Variants in GDPD1 observed in about 807,000 individuals in gnomAD.
GDPD1 encodes glycerophosphodiester phosphodiesterase domain containing 1, also known as lysophospholipase D GDPD1.
A neutral mutation model predicts 45.1 loss-of-function variants in GDPD1; 28 were observed. The observed-to-expected ratio is 0.62, with a 90% confidence interval of 0.46 to 0.85. The LOEUF (loss-of-function observed/expected upper bound fraction) is 0.85, where lower values mean the gene tolerates loss of function less well. GDPD1 is among the 40% of genes least tolerant of loss of function. GDPD1 has a pLI of 0.00. For missense variants in GDPD1, 256 were observed against 364.8 expected, an observed-to-expected ratio of 0.70 and a Z score of 2.43; for synonymous variants, 139 against 131.4, an observed-to-expected ratio of 1.06 and a Z score of -0.40.
chr17:59,228,216 A>G (rs997726056), intron 1 of GDPD1, among the ~76,000 whole-genome samples: 1 of 151,384 alleles, frequency 6.6e-6, no homozygotes, highest in Admixed American at 6.6e-5. Flanking sequence ...AGCAGTTTAA[A>G]TATTAACTCA....
intron 4 of GDPD1, among the ~76,000 whole-genome samples, chr17:59,256,308 C>A (rs1407076088): frequency 6.6e-6 from 1 of 151,752 alleles, no homozygotes; most frequent in African/African-American, 2.4e-5. Flanking sequence ...CAGAGTGAGA[C>A]CCTGTCTCAA....
intron 9 of GDPD1, 60 bp downstream of exon 9, chr17:59,272,896 T>C (rs74472114): frequency 1.2e-6 from 2 of 1,612,968 alleles, no homozygotes; most frequent in East Asian, 2.2e-5. Flanking sequence ...AACACAAATA[T>C]AAAGGGCAAG....
chr17:59,258,845 G>C (rs1038153126), intron 6 of GDPD1, among the ~76,000 whole-genome samples: 5 of 151,808 alleles, frequency 3.3e-5, no homozygotes, highest in Non-Finnish European at 7.4e-5. Flanking sequence ...TATTTAGCTG[G>C]GCATGATGAC....
chr17:59,256,783 A>C (rs1172491762), intron 4 of GDPD1, among the ~76,000 whole-genome samples: 1 of 152,196 alleles, frequency 6.6e-6, no homozygotes, highest in Non-Finnish European at 1.5e-5. Context: ...TTGATTGTGA[A>C]TCTGTAGTTA....
intron 1 of GDPD1, among the ~76,000 whole-genome samples, chr17:59,230,726 G>C (rs1452853432): frequency 1.3e-5 from 2 of 152,062 alleles, no homozygotes; most frequent in African/African-American, 4.8e-5. Flanking sequence ...CATTTTTAAA[G>C]ATTAAAGGTG....
Position 59,272,856 on chromosome 17 carries a change from C to T in GDPD1, c.822+20C>T, listed in dbSNP as rs1408420747. 4.3e-6 allele frequency: 7 copies of T among 1,613,636 alleles called. No individual in the cohort carries two copies. The highest frequency in any genetic ancestry group is 5.9e-6 in the Non-Finnish European group (7 of 1,179,722). On this transcript the variant is annotated intron_variant, in intron 9 of 9. Transcript: ENST00000284116. ...ATTCAAGTAAGTTTCTGGAATGATGCATTTTGGAAGCAGCATAGCTCACCA... is the reference window on the plus strand; with the variant it reads ...ATTCAAGTAAGTTTCTGGAATGATGTATTTTGGAAGCAGCATAGCTCACCA...
intron 6 of GDPD1, among the ~76,000 whole-genome samples, chr17:59,264,268 G>A (rs1053062522): frequency 4.6e-5 from 7 of 151,982 alleles, no homozygotes; most frequent in African/African-American, 1.7e-4. Flanking sequence ...CCAAAGTGTC[G>A]GGATTACAGG....
chr17:59,275,284 C>T lies in GDPD1; in HGVS notation c.*1511C>T. On this transcript the variant is annotated 3_prime_UTR_variant, in exon 10 of 10. Coordinates refer to ENST00000284116, the MANE Select transcript of GDPD1 (RefSeq NM_182569.4). ...AGTTATTTGGCAAGTTATACATAAT[C>T]AGCAGCAGCCAGGCTCAAGAAAATA... The T allele has an allele frequency of 9.8e-7, 1 of 1,020,502 alleles. No homozygotes were observed. The highest frequency in any genetic ancestry group is 1.5e-6 in the Non-Finnish European group (1 of 688,612). 63.2% of individuals were successfully genotyped at this position (1,020,502 alleles called of 1,614,324 possible).
At chr17:59,224,624 C>CAAAA (rs71145538) in intron 1 of GDPD1, among the ~76,000 whole-genome samples, 1 of 114,800 alleles carries the variant, frequency 8.7e-6, no homozygotes, top group Non-Finnish European at 1.9e-5. Context: ...GACTCCATCT[C>CAAAA]AAAAAAAAAA....
intron 6 of GDPD1, among the ~76,000 whole-genome samples, chr17:59,262,629 G>GTTT (rs144444466): frequency 6.1e-5 from 8 of 131,182 alleles, no homozygotes; most frequent in African/African-American, 1.6e-4. Flanking sequence ...TCTTGGTTTT[G>GTTT]TTTTTTTTTG....
intron 6 of GDPD1, among the ~76,000 whole-genome samples, chr17:59,261,802 T>C (rs2047357443): frequency 6.6e-6 from 1 of 151,890 alleles, no homozygotes; most frequent in South Asian, 2.1e-4. Context: ...CCTGGCTAAT[T>C]TTTAAATTTT....
intron 6 of GDPD1, among the ~76,000 whole-genome samples, chr17:59,265,765 G>A (rs943852406): frequency 6.6e-6 from 1 of 151,534 alleles, no homozygotes; most frequent in Non-Finnish European, 1.5e-5. Flanking sequence ...GCTGGGCATG[G>A]TGGCACACAC....
intron 4 of GDPD1, among the ~76,000 whole-genome samples, chr17:59,255,832 T>G (rs1181531650): frequency 5.4e-5 from 1 of 18,404 alleles, no homozygotes; most frequent in African/African-American, 6.4e-4. Context: ...TATATACGCG[T>G]ATATATATAT....
intron 4 of GDPD1, 64 bp downstream of exon 4, chr17:59,248,849 T>G: frequency 1.7e-6 from 2 of 1,206,688 alleles, no homozygotes; most frequent in Non-Finnish European, 2.4e-6. Context: ...TTTCTTGTCA[T>G]AGTAAGTTCT....
intron 5 of GDPD1, 66 bp from the exon 6 acceptor site, chr17:59,257,685 A>T: frequency 1.1e-6 from 1 of 934,274 alleles, no homozygotes; most frequent in Non-Finnish European, 1.7e-6. Flanking sequence ...TTCATTTTTT[A>T]AGTGAAATGT....
intron 1 of GDPD1, among the ~76,000 whole-genome samples, chr17:59,230,635 G>C (rs529529649): frequency 2.0e-5 from 3 of 152,202 alleles, no homozygotes; most frequent in African/African-American, 7.2e-5. Context: ...GCCTGCCTCA[G>C]CCTCCCAAAG....
chr17:59,274,287 C>A lies in GDPD1; in HGVS notation c.*514C>A, dbSNP rs1319078539. On this transcript the variant is annotated 3_prime_UTR_variant, in exon 10 of 10. Coordinates refer to ENST00000284116, the MANE Select transcript of GDPD1 (RefSeq NM_182569.4). ...CAGCACTTTGGGAGGCTGAGACAGG[C>A]GGATCATCTGAAGTCAGGAGTTAAA... 2.1e-5 allele frequency: 6 copies of A among 291,112 alleles called. No individual in the cohort carries two copies. Among genetic ancestry groups the A allele is most frequent in the Admixed American group, 6.5e-5 (1 of 15,352 alleles). 18.0% of individuals were successfully genotyped at this position (291,112 alleles called of 1,614,324 possible). A position where few individuals can be genotyped will look rare whatever the true frequency, so the allele number is the denominator to read the frequency against.
At chr17:59,269,969 T>G (rs964543432) in intron 7 of GDPD1, among the ~76,000 whole-genome samples, 2 of 152,142 alleles carry the variant, frequency 1.3e-5, no homozygotes, top group Non-Finnish European at 2.9e-5. Flanking sequence ...TCCACAGAAT[T>G]AATATTTTCT....
intron 1 of GDPD1, among the ~76,000 whole-genome samples, chr17:59,232,808 C>T (rs1007197802): frequency 6.6e-6 from 1 of 152,114 alleles, no homozygotes; most frequent in Admixed American, 6.6e-5. Context: ...TTTAAAAAGC[C>T]ATCTAGCAGA....
Sources: allele counts gnomAD v4.1 joint callset (sites outside exome capture counted in the v4.1 genomes callset), GRCh38; gene constraint gnomAD v4.1.1; transcripts MANE v1.5; gene names NCBI Gene and HGNC (gene_info 2026-07-23, HGNC 2026-07-21).